The following CHL1 variants were observed in gnomAD, a reference collection of about 807,000 sequenced individuals.
CHL1 encodes the protein cell adhesion molecule L1 like.
Under a neutral mutation model 141.9 loss-of-function variants are expected in CHL1, and 96 were observed. The ratio of observed to expected loss-of-function variants is 0.68; its 90% CI spans 0.57 to 0.80. The LOEUF (loss-of-function observed/expected upper bound fraction) is 0.80. Ranked by LOEUF, CHL1 falls within the 30% of genes least tolerant of loss-of-function variation. The pLI is 0.00. For synonymous variants in CHL1, 613 were observed against 502.2 expected, an observed-to-expected ratio of 1.22 and a Z score of -2.95; for missense variants, 1,820 against 1,457.2, an observed-to-expected ratio of 1.25 and a Z score of -4.05.
rs1016846471 is a variant in CHL1 at position 223,826 on chromosome 3, G to C, written c.-174-20787G>C. ...AGGGAATGGGAAATGCTGATAGGTT[G>C]GGGCAGGGATGAAATCATAGGGGTC... On this transcript the variant is annotated intron_variant, in intron 1 of 27. Transcript: ENST00000256509. Among the ~76,000 whole-genome samples, 3 of 152,250 alleles carry C rather than the reference G, an allele frequency of 2.0e-5. No individual in the cohort carries two copies. The East Asian group carries it at 5.8e-4, about 29-fold the overall frequency.
chr3:393,373 T>C (rs908956889), intron 23 of CHL1, among the ~76,000 whole-genome samples: 8 of 152,112 alleles, frequency 5.3e-5, no homozygotes, highest in African/African-American at 1.9e-4. Flanking sequence ...TTCTTTTAAA[T>C]GTCAATTTGT....
At chr3:292,066 C>T (rs578025245) in intron 2 of CHL1, among the ~76,000 whole-genome samples, 4 of 152,262 alleles carry the variant, frequency 2.6e-5, no homozygotes, top group East Asian at 1.9e-4. Context: ...TGTTAGAAAC[C>T]GCCTATTATT....
intron 2 of CHL1, among the ~76,000 whole-genome samples, chr3:264,237 C>T (rs1336534110): frequency 6.6e-6 from 1 of 151,896 alleles, no homozygotes; most frequent in East Asian, 1.9e-4. Context: ...AAAGCAAGCC[C>T]ACACAGTAAA....
chr3:337,127 A>T (rs1244821250), intron 5 of CHL1, among the ~76,000 whole-genome samples: 2 of 152,074 alleles, frequency 1.3e-5, no homozygotes, highest in African/African-American at 4.8e-5. Flanking sequence ...GGCATTAGAT[A>T]GAAAGGAAAT....
chr3:386,813 A>G (rs753439162), intron 19 of CHL1, among the ~76,000 whole-genome samples: 66 of 152,328 alleles, frequency 4.3e-4, no homozygotes, highest in Admixed American at 2.4e-3. Flanking sequence ...AAGTGGAATT[A>G]AATGAAATAT....
At chr3:268,068 T>C (rs1695307723) in intron 2 of CHL1, among the ~76,000 whole-genome samples, 1 of 152,210 alleles carries the variant, frequency 6.6e-6, no homozygotes, top group Admixed American at 6.5e-5. Context: ...CTGTTTATTC[T>C]TGCTTCAAAT....
At chr3:363,838 C>T (rs971877782) in intron 14 of CHL1, 3 of 154,042 alleles carry the variant, frequency 1.9e-5, no homozygotes, top group African/African-American at 7.2e-5. Context: ...TTGTATTATT[C>T]CTTCTCACTT....
At chr3:257,115 G>A (rs1694243857) in intron 2 of CHL1, among the ~76,000 whole-genome samples, 1 of 152,110 alleles carries the variant, frequency 6.6e-6, no homozygotes, top group Admixed American at 6.5e-5. Flanking sequence ...GGAGGCATTA[G>A]CTTTGTTTAG....
intron 2 of CHL1, among the ~76,000 whole-genome samples, chr3:264,536 A>G (rs913942223): frequency 2.6e-5 from 4 of 152,208 alleles, no homozygotes; most frequent in South Asian, 2.1e-4. Context: ...TATCATTTAT[A>G]CATGGTACAG....
At position 360,049 on chromosome 3, in the gene CHL1, G is replaced by A. The variant is rs140081251; in HGVS notation, c.1166-235G>A. Among the ~76,000 whole-genome samples the A allele has an allele frequency of 4.4e-3, 666 of 152,236 alleles. 6 individuals carry two copies. The highest frequency in any genetic ancestry group is 6.2e-3 in the Non-Finnish European group (423 of 68,022). On this transcript the variant is annotated intron_variant, in intron 11 of 27. Coordinates refer to ENST00000256509, the MANE Select transcript of CHL1 (RefSeq NM_006614.4). ...TATGGAAATTCTGGGAGGTCCAGAT[G>A]AGCAGATATTTTGTTGCTAAATATT...
intron 25 of CHL1, 45 bp from the exon 26 acceptor site, chr3:398,972 G>A: frequency 6.3e-7 from 1 of 1,586,814 alleles, no homozygotes; most frequent in Non-Finnish European, 8.6e-7. Context: ...GAATACAAAA[G>A]ACTGTTTCTA....
At chr3:323,258 A>G (rs1332214728) in intron 3 of CHL1, among the ~76,000 whole-genome samples, 3 of 152,108 alleles carry the variant, frequency 2.0e-5, no homozygotes, top group East Asian at 1.9e-4. Context: ...GTTCAAGAAA[A>G]CATTAGAATT....
At chr3:350,074 C>G (rs2125200437) in intron 10 of CHL1, among the ~76,000 whole-genome samples, 1 of 152,220 alleles carries the variant, frequency 6.6e-6, no homozygotes, top group African/African-American at 2.4e-5. Flanking sequence ...ATCTTGGGTT[C>G]AGATGATAAA....
intron 1 of CHL1, among the ~76,000 whole-genome samples, chr3:216,557 G>A (rs1156268924): frequency 1.3e-5 from 2 of 152,184 alleles, no homozygotes; most frequent in African/African-American, 4.8e-5. Flanking sequence ...AAAAAAGTCT[G>A]TGCTTACAGA....
At chr3:391,281 C>T in intron 22 of CHL1, 122 bp downstream of exon 22, 1 of 741,162 alleles carries the variant, frequency 1.3e-6, no homozygotes, top group Non-Finnish European at 2.3e-6. Context: ...TTTGGGAGGC[C>T]AAGGCAGATG....
chr3:322,645 A>AAAT, intron 3 of CHL1, among the ~76,000 whole-genome samples: 1 of 130,210 alleles, frequency 7.7e-6, no homozygotes, highest in African/African-American at 3.0e-5. Flanking sequence ...ATATATATAA[A>AAAT]ATATATATAT....
intron 1 of CHL1, chr3:197,917 C>T (rs1413633441): frequency 2.4e-6 from 1 of 408,256 alleles, no homozygotes; most frequent in African/African-American, 2.2e-5. Flanking sequence ...GGAGGCAGCA[C>T]GGAGAAAGTG....
At position 390,970 on chromosome 3, in the gene CHL1, A is replaced by G; in HGVS notation, c.2602A>G (p.Thr868Ala). 6.2e-7 allele frequency: 1 copy of G among 1,613,890 alleles called. No homozygotes were observed. Among genetic ancestry groups the G allele is most frequent in the Non-Finnish European group, 8.5e-7 (1 of 1,179,816 alleles). ...TTCATTGCAGATAAATTGGTGGAAA[A>G]CAAAAAGTCTGTTGGATGGAAGAAC... ...LKGYQINWWK[T>A]KSLLDGRTHP... Residue 868 changes from threonine to alanine, a missense_variant, in exon 22 of 28, where the codon ACA becomes GCA. Thr to Ala is a moderately conservative substitution (Grantham distance 58). Coordinates refer to ENST00000256509, the MANE Select transcript of CHL1 (RefSeq NM_006614.4).
At position 288,811 on chromosome 3, in the gene CHL1, C is replaced by G. The variant is rs777774972; in HGVS notation, c.-94-30872C>G. Among the ~76,000 whole-genome samples the G allele has an allele frequency of 3.3e-5, 5 of 152,146 alleles. No individual in the cohort carries two copies. In the South Asian group the frequency reaches 8.3e-4, roughly 25 times the overall value. On this transcript the variant is annotated intron_variant, in intron 2 of 27. Coordinates refer to ENST00000256509, the MANE Select transcript of CHL1 (RefSeq NM_006614.4). ...CACCATCTTTATATAGTGAAGACAG[C>G]TTATCATTAAATATAGTTTGAGACA...
Sources: allele counts gnomAD v4.1 joint callset (sites outside exome capture counted in the v4.1 genomes callset), GRCh38; gene constraint gnomAD v4.1.1; transcripts MANE v1.5; gene names NCBI Gene and HGNC (gene_info 2026-07-23, HGNC 2026-07-21).